Variants in DIAPH2 observed in about 807,000 individuals in gnomAD.
The protein encoded by DIAPH2 is protein diaphanous homolog 2.
In DIAPH2, 35 loss-of-function variants were observed where a neutral mutation model predicts 92.7. That is an observed-to-expected ratio of 0.38 (90% confidence interval 0.29 to 0.50). The LOEUF (loss-of-function observed/expected upper bound fraction) is 0.50, where lower values mean the gene tolerates loss of function less well. Among genes scored for constraint, DIAPH2 ranks in the 20% least tolerant of loss-of-function variants. DIAPH2 has a pLI of 0.94. For synonymous variants in DIAPH2, 301 were observed against 280.4 expected, an observed-to-expected ratio of 1.07 and a Z score of -0.73; for missense variants, 701 against 819.5, an observed-to-expected ratio of 0.86 and a Z score of 1.77.
chrX:97,483,463 C>T (rs950775459), intron 26 of DIAPH2, among the ~76,000 whole-genome samples: 1 of 111,494 alleles, frequency 9.0e-6, no homozygotes, highest in African/African-American at 3.3e-5. Context: ...TTAATCACAA[C>T]TGCCAATTGG....
At chrX:97,347,065 T>C (rs748001724) in intron 23 of DIAPH2, among the ~76,000 whole-genome samples, 1 of 107,719 alleles carries the variant, frequency 9.3e-6, no homozygotes, top group South Asian at 4.2e-4. Flanking sequence ...AACACTCATA[T>C]ACAGAATTCA....
At chrX:96,931,038 A>G (rs774995792) in intron 10 of DIAPH2, among the ~76,000 whole-genome samples, 195 bp downstream of exon 10, 32 of 112,126 alleles carry the variant, frequency 2.9e-4, no homozygotes, top group Non-Finnish European at 4.3e-4. Context: ...TCAGCTAATA[A>G]TGTACCCAGA....
chrX:97,521,260 A>G (rs956149121), intron 26 of DIAPH2, among the ~76,000 whole-genome samples: 7 of 112,268 alleles, frequency 6.2e-5, no homozygotes, highest in Non-Finnish European at 1.1e-4. Context: ...TCCGTTGTTT[A>G]CAAGTTACCC....
Position 97,343,771 on chromosome X carries a change from A to T in DIAPH2, c.2845-4345A>T, listed in dbSNP as rs140949019. ...AAAGAAAACTTTTCATTTCTGTGTC[A>T]CAGAAATTAAGAGAAGTAGCTAAAT... On this transcript the variant is annotated intron_variant, in intron 23 of 26. Coordinates refer to ENST00000324765, the MANE Select transcript of DIAPH2 (RefSeq NM_006729.5). Among the ~76,000 whole-genome samples, 248 of 111,561 alleles carry T rather than the reference A, an allele frequency of 2.2e-3. 2 individuals are homozygous for T. Among genetic ancestry groups the T allele is most frequent in the African/African-American group, 7.6e-3 (232 of 30,700 alleles).
intron 23 of DIAPH2, among the ~76,000 whole-genome samples, chrX:97,265,514 A>G (rs2068328919): frequency 8.9e-6 from 1 of 111,781 alleles, no homozygotes; most frequent in African/African-American, 3.2e-5. Flanking sequence ...CTGGGGAGCC[A>G]CTTTAGGTTA....
At chrX:97,244,555 A>C (rs2068123718) in intron 22 of DIAPH2, among the ~76,000 whole-genome samples, 1 of 112,218 alleles carries the variant, frequency 8.9e-6, no homozygotes, top group Non-Finnish European at 1.9e-5. Flanking sequence ...TAGGTTTTAC[A>C]TAACTTGAGA....
intron 5 of DIAPH2, among the ~76,000 whole-genome samples, chrX:96,901,638 G>A (rs754243209): frequency 5.0e-5 from 5 of 99,378 alleles, no homozygotes; most frequent in Non-Finnish European, 8.0e-5. Flanking sequence ...AGGTTCAAGC[G>A]ATTCTAGTGC....
chrX:96,749,147 T>A (rs5990655), intron 3 of DIAPH2, among the ~76,000 whole-genome samples: 21,662 of 65,792 alleles, frequency 0.33, 4,203 homozygotes, highest in Non-Finnish European at 0.41. Context: ...AAAAAAAAAA[T>A]ATATATATAT....
At chrX:96,873,804 G>A (rs979191287) in intron 4 of DIAPH2, among the ~76,000 whole-genome samples, 1 of 110,892 alleles carries the variant, frequency 9.0e-6, no homozygotes, top group African/African-American at 3.3e-5. Flanking sequence ...TATCCCAGTT[G>A]TGATATCATA....
chrX:96,935,549 G>A (rs750368392), intron 10 of DIAPH2, among the ~76,000 whole-genome samples: 18 of 110,758 alleles, frequency 1.6e-4, no homozygotes, highest in Admixed American at 8.7e-4. Context: ...GAACTACTGA[G>A]GACAATTAAA....
At chrX:96,884,840 T>C in intron 5 of DIAPH2, 1 of 1,211,359 alleles carries the variant, frequency 8.3e-7, no homozygotes, top group East Asian at 3.0e-5. Context: ...GATACCACTG[T>C]AGAAAGTGTG....
chrX:96,755,392 G>A (rs1031320475), intron 3 of DIAPH2, among the ~76,000 whole-genome samples: 97 of 111,543 alleles, frequency 8.7e-4, no homozygotes, highest in African/African-American at 3.1e-3. Flanking sequence ...GGTGGCTCAC[G>A]CCTGTAATCC....
intron 17 of DIAPH2, among the ~76,000 whole-genome samples, chrX:97,053,894 C>A (rs2066537884): frequency 1.8e-5 from 2 of 111,651 alleles, no homozygotes; most frequent in Non-Finnish European, 3.8e-5. Flanking sequence ...TGAAAGCTGC[C>A]TGCATGCAGT....
chrX:96,728,073 A>T (rs2064032411), intron 1 of DIAPH2, among the ~76,000 whole-genome samples: 1 of 109,242 alleles, frequency 9.2e-6, no homozygotes, highest in African/African-American at 3.3e-5. Context: ...AAAAAGTAGA[A>T]CACAAATAAG....
intron 4 of DIAPH2, among the ~76,000 whole-genome samples, chrX:96,822,966 A>G (rs2064788465): frequency 8.9e-6 from 1 of 112,131 alleles, no homozygotes; most frequent in African/African-American, 3.2e-5. Context: ...CATGGTGTAT[A>G]TGGTATGTAT....
At chrX:97,354,658 G>A (rs976787650) in intron 24 of DIAPH2, among the ~76,000 whole-genome samples, 9 of 112,702 alleles carry the variant, frequency 8.0e-5, no homozygotes, top group African/African-American at 2.9e-4. Flanking sequence ...ATAGGCGTGG[G>A]CCACTGCACC....
intron 23 of DIAPH2, among the ~76,000 whole-genome samples, chrX:97,302,211 C>CAA (rs35039257): frequency 0.042 from 1,117 of 26,552 alleles, 116 homozygotes; most frequent in African/African-American, 0.14. Context: ...GACTCCATCT[C>CAA]AAAAAAAAAA....
At chrX:97,073,343 AT>A (rs113376003) in intron 18 of DIAPH2, among the ~76,000 whole-genome samples, 1 of 110,438 alleles carries the variant, frequency 9.1e-6, no homozygotes, top group South Asian at 3.8e-4. Flanking sequence ...ACAAAAAGTG[AT>A]TTTTTTTTCC....
At chrX:96,859,232 A>G (rs1428880387) in intron 4 of DIAPH2, among the ~76,000 whole-genome samples, 1 of 111,006 alleles carries the variant, frequency 9.0e-6, no homozygotes, top group East Asian at 2.8e-4. Flanking sequence ...AGGAGGGTAT[A>G]TAACCTACAT....
Sources: gnomAD v4.1 joint callset for allele counts (sites outside exome capture counted in the v4.1 genomes callset) on GRCh38, gnomAD v4.1.1 for gene constraint, MANE v1.5 for transcripts, NCBI Gene and HGNC (gene_info 2026-07-23, HGNC 2026-07-21) for gene names.